The following EFNA5 variants were observed in gnomAD, a reference collection of about 807,000 sequenced individuals.
EFNA5 encodes the protein ephrin-A5.
EFNA5 carries 5 observed loss-of-function variants against 22.9 expected under a neutral mutation model. The observed-to-expected ratio is 0.22, with a 90% confidence interval of 0.11 to 0.46. The LOEUF (loss-of-function observed/expected upper bound fraction) is 0.46, where lower values mean the gene tolerates loss of function less well. Ranked by LOEUF, EFNA5 falls within the 20% of genes least tolerant of loss-of-function variation. The probability of loss-of-function intolerance (pLI) is 0.99; values close to 1 mark genes in which losing one functional copy is unlikely to be tolerated. For synonymous variants in EFNA5, 113 were observed against 112.2 expected, an observed-to-expected ratio of 1.01 and a Z score of -0.04; for missense variants, 237 against 293.3, an observed-to-expected ratio of 0.81 and a Z score of 1.40.
chr5:107,600,691 T>C (rs548308381), intron 1 of EFNA5, among the ~76,000 whole-genome samples: 6 of 152,222 alleles, frequency 3.9e-5, no homozygotes, highest in African/African-American at 1.4e-4. Context: ...TTTCACCACG[T>C]TGGCCAGCCT....
chr5:107,487,234 T>TC (rs1476550163), intron 1 of EFNA5, among the ~76,000 whole-genome samples: 1 of 151,918 alleles, frequency 6.6e-6, no homozygotes, highest in Non-Finnish European at 1.5e-5. Flanking sequence ...CACTCCCTCT[T>TC]CCCCCCGGGT....
chr5:107,542,491 CCT>C (rs1407012401), intron 1 of EFNA5, among the ~76,000 whole-genome samples: 2 of 152,020 alleles, frequency 1.3e-5, no homozygotes, highest in African/African-American at 4.8e-5. Flanking sequence ...GAGTCTGCCG[CCT>C]GCATGCAGGC....
At chr5:107,598,769 A>ATT (rs1749529124) in intron 1 of EFNA5, among the ~76,000 whole-genome samples, 1 of 152,092 alleles carries the variant, frequency 6.6e-6, no homozygotes, top group Non-Finnish European at 1.5e-5. Context: ...TCAATACAAC[A>ATT]TTTTTTCATG....
At chr5:107,494,125 TGCCTGGGCTCCCA>T in intron 1 of EFNA5, among the ~76,000 whole-genome samples, 1 of 152,374 alleles carries the variant, frequency 6.6e-6, no homozygotes, top group Non-Finnish European at 1.5e-5. Context: ...GTGCCTCCTC[TGCCTGGGCTCCCA>T]CTTTGGCGGC....
chr5:107,414,895 CAAGT>C (rs1748463312), intron 2 of EFNA5, among the ~76,000 whole-genome samples: 1 of 151,874 alleles, frequency 6.6e-6, no homozygotes, highest in African/African-American at 2.4e-5. Flanking sequence ...AAGAGAAACT[CAAGT>C]AAAGGATATT....
In EFNA5 at chr5:107,381,341, C is replaced by T. The variant is rs148423632; in HGVS notation, c.601G>A (p.Gly201Ser). ...TVHESAEPSR[G>S]ENAAQTPRIP... ...CTTGGTGTTTGTGCCGCGTTCTCGC[C>T]GCGGGATGGCTCGGCTGACTCATGT... is the stretch of plus-strand genomic sequence containing the variant. The change falls in exon 5 of 5, where the codon GGC (glycine) becomes AGC (serine). Residue 201 changes from glycine (G) to serine (S), a missense_variant. Gly to Ser is a moderately conservative substitution (Grantham distance 56). Transcript: ENST00000333274. 1.9e-5 allele frequency: 31 copies of T among 1,613,840 alleles called. No homozygotes were observed. Among genetic ancestry groups the T allele is most frequent in the African/African-American group, 1.1e-4 (8 of 74,898 alleles).
chr5:107,425,630 A>T (rs1748791381), intron 2 of EFNA5, among the ~76,000 whole-genome samples: 1 of 152,188 alleles, frequency 6.6e-6, no homozygotes, highest in South Asian at 2.1e-4. Context: ...ATCAAATGTG[A>T]GATAGTATCA....
At chr5:107,474,940 C>A (rs910543171) in intron 1 of EFNA5, among the ~76,000 whole-genome samples, 1 of 152,200 alleles carries the variant, frequency 6.6e-6, no homozygotes, top group Non-Finnish European at 1.5e-5. Flanking sequence ...AAATCATTGT[C>A]ATTAGAAAAG....
intron 1 of EFNA5, among the ~76,000 whole-genome samples, chr5:107,550,109 T>C (rs341273): frequency 0.16 from 23,904 of 152,264 alleles, 2,078 homozygotes; most frequent in Middle Eastern, 0.31. Context: ...GCTGTCATCA[T>C]GGGCAAAGTG....
chr5:107,520,016 C>G (rs1002061741), intron 1 of EFNA5, among the ~76,000 whole-genome samples: 2 of 152,160 alleles, frequency 1.3e-5, no homozygotes, highest in African/African-American at 4.8e-5. Flanking sequence ...AAACAGCCCT[C>G]CATTCATTTG....
intron 1 of EFNA5, among the ~76,000 whole-genome samples, chr5:107,498,530 CTG>C (rs1747048790): frequency 6.6e-6 from 1 of 152,236 alleles, no homozygotes; most frequent in Non-Finnish European, 1.5e-5. Context: ...TTGTGAAAAA[CTG>C]TGAATGTGAT....
intron 1 of EFNA5, among the ~76,000 whole-genome samples, chr5:107,557,249 TTTGTTAAATGAGAAGGGG>T (rs1206651682): frequency 1.5e-4 from 23 of 151,546 alleles, no homozygotes; most frequent in Non-Finnish European, 3.4e-4. Context: ...TTAGCAAACA[TTTGTTAAATGAGAAGGGG>T]CGAGAGAGGG....
At chr5:107,556,222 A>C (rs1248456618) in intron 1 of EFNA5, among the ~76,000 whole-genome samples, 1 of 152,112 alleles carries the variant, frequency 6.6e-6, no homozygotes, top group African/African-American at 2.4e-5. Flanking sequence ...TCCCACATCA[A>C]CTAGTAACCA....
rs188339315 is a variant in EFNA5 at position 107,405,287 on chromosome 5, C to T, written c.419-17516G>A. The stretch of plus-strand genomic sequence containing the variant: ...CAAACTAGCTGATGATGCTGTGCCA[C>T]GAGAACCAAAAGGAACATACAAATC... On this transcript the variant is annotated intron_variant, in intron 2 of 4. Transcript: ENST00000333274. Among the ~76,000 whole-genome samples, 608 of 152,294 alleles carry T rather than the reference C, an allele frequency of 4.0e-3. 4 individuals carry two copies. Among genetic ancestry groups the T allele is most frequent in the Non-Finnish European group, 3.2e-3 (218 of 68,032 alleles).
At chr5:107,459,027 T>C (rs1749768957) in intron 1 of EFNA5, among the ~76,000 whole-genome samples, 1 of 152,148 alleles carries the variant, frequency 6.6e-6, no homozygotes, top group South Asian at 2.1e-4. Context: ...TACCTGACAA[T>C]TCTTTGTTCT....
intron 1 of EFNA5, among the ~76,000 whole-genome samples, chr5:107,433,849 C>T (rs1043780007): frequency 6.0e-5 from 9 of 151,188 alleles, no homozygotes; most frequent in African/African-American, 9.7e-5. Flanking sequence ...TGTAGTGAAC[C>T]GAGATTGTGC....
At chr5:107,436,583 C>T (rs966818343) in intron 1 of EFNA5, among the ~76,000 whole-genome samples, 4 of 152,138 alleles carry the variant, frequency 2.6e-5, no homozygotes, top group Non-Finnish European at 5.9e-5. Context: ...CTCCTGCTGG[C>T]CAGGAGCTTC....
chr5:107,549,086 G>A (rs1476122586), intron 1 of EFNA5, among the ~76,000 whole-genome samples: 3 of 152,030 alleles, frequency 2.0e-5, no homozygotes, highest in Admixed American at 6.5e-5. Flanking sequence ...TCTAGCTCTA[G>A]AGAAGTAAAA....
At chr5:107,431,480 T>C (rs970386927) in intron 1 of EFNA5, among the ~76,000 whole-genome samples, 1 of 152,140 alleles carries the variant, frequency 6.6e-6, no homozygotes, top group Admixed American at 6.5e-5. Context: ...CTCAACTTAA[T>C]CTCTATTACG....
Sources: gnomAD v4.1 joint callset for allele counts (sites outside exome capture counted in the v4.1 genomes callset) on GRCh38, gnomAD v4.1.1 for gene constraint, MANE v1.5 for transcripts, NCBI Gene and HGNC (gene_info 2026-07-23, HGNC 2026-07-21) for gene names.